Variants in ALPK2 observed in about 807,000 individuals in gnomAD.
ALPK2 encodes the protein alpha-protein kinase 2.
Under a neutral mutation model 163.1 loss-of-function variants are expected in ALPK2, and 127 were observed. The observed-to-expected ratio is 0.78, with a 90% confidence interval of 0.67 to 0.90. The LOEUF (loss-of-function observed/expected upper bound fraction) is 0.90, where lower values mean the gene tolerates loss of function less well. Among genes scored for constraint, ALPK2 ranks in the 40% least tolerant of loss-of-function variants. The probability of loss-of-function intolerance (pLI) is 0.00; values close to 1 mark genes in which losing one functional copy is unlikely to be tolerated. For missense variants in ALPK2, 2,360 were observed against 2,589.6 expected, an observed-to-expected ratio of 0.91 and a Z score of 1.92; for synonymous variants, 953 against 959.1, an observed-to-expected ratio of 0.99 and a Z score of 0.12.
At position 58,521,625 on chromosome 18, in the gene ALPK2, C is replaced by CTTTTTTTTTTTTTTTTT. The variant is rs1375364902; in HGVS notation, c.5665+2180_5665+2181insAAAAAAAAAAAAAAAAA. Among the ~76,000 whole-genome samples, 181 of 50,524 alleles carry CTTTTTTTTTTTTTTTTT rather than the reference C, an allele frequency of 3.6e-3. 9 individuals are homozygous for CTTTTTTTTTTTTTTTTT. The highest frequency in any genetic ancestry group is 5.7e-3 in the Non-Finnish European group (140 of 24,700). 33.1% of individuals were successfully genotyped at this position (50,524 alleles called of 152,430 possible). On this transcript the variant is annotated intron_variant, in intron 8 of 12. Coordinates refer to ENST00000361673, the MANE Select transcript of ALPK2 (RefSeq NM_052947.4). ...CATTTCTTTTTCTTTCTTTCTCTCT[C>CTTTTTTTTTTTTTTTTT]TCTTTTTTTTTTTTTTTTTTTGAGA... is the stretch of plus-strand genomic sequence containing the variant.
intron 3 of ALPK2, among the ~76,000 whole-genome samples, chr18:58,586,186 T>C (rs1440562703): frequency 6.6e-6 from 1 of 152,240 alleles, no homozygotes. Context: ...AAGCTTTTGA[T>C]GAAGGGCACA....
intron 11 of ALPK2, among the ~76,000 whole-genome samples, chr18:58,502,134 CCACACA>C (rs71173056): frequency 0.031 from 3,681 of 118,780 alleles, 66 homozygotes; most frequent in South Asian, 0.043. Flanking sequence ...AACCCCATCT[CCACACA>C]CACACACACA....
intron 11 of ALPK2, among the ~76,000 whole-genome samples, chr18:58,502,180 A>ACACAC (rs1568067735): frequency 6.5e-4 from 85 of 130,076 alleles, no homozygotes; most frequent in African/African-American, 2.1e-3. Context: ...ACACACACAC[A>ACACAC]AAGAAAAAAA....
intron 4 of ALPK2, chr18:58,538,440 A>T: frequency 2.0e-6 from 1 of 499,744 alleles, no homozygotes; most frequent in East Asian, 3.2e-5. Flanking sequence ...GCCCTTTGTC[A>T]AATTCATCAT....
intron 4 of ALPK2, chr18:58,538,670 A>C: frequency 6.2e-6 from 1 of 162,064 alleles, no homozygotes; most frequent in Non-Finnish European, 1.3e-5. Flanking sequence ...CCAAAATATA[A>C]CAGCTTGCTG....
intron 1 of ALPK2, among the ~76,000 whole-genome samples, chr18:58,627,010 AC>A (rs2052234223): frequency 6.6e-6 from 1 of 152,184 alleles, no homozygotes; most frequent in African/African-American, 2.4e-5. Context: ...TAAAGTGAAT[AC>A]TGTTAAGATT....
chr18:58,520,014 C>G (rs73445135), intron 8 of ALPK2, among the ~76,000 whole-genome samples: 2,073 of 152,286 alleles, frequency 0.014, 41 homozygotes, highest in African/African-American at 0.048. Flanking sequence ...GAGTGTAGCA[C>G]TGCAAGTCTC....
intron 3 of ALPK2, among the ~76,000 whole-genome samples, chr18:58,603,387 C>T (rs1466730114): frequency 6.6e-6 from 1 of 152,254 alleles, no homozygotes; most frequent in African/African-American, 2.4e-5. Context: ...GTGCCGTTCT[C>T]CTGGTCATTG....
intron 1 of ALPK2, among the ~76,000 whole-genome samples, chr18:58,623,193 T>C (rs1322347823): frequency 6.6e-6 from 1 of 152,136 alleles, no homozygotes; most frequent in Non-Finnish European, 1.5e-5. Flanking sequence ...CAGAGTGTCT[T>C]AGGGGAACAC....
At chr18:58,556,755 C>T (rs575528737) in intron 4 of ALPK2, among the ~76,000 whole-genome samples, 90 of 152,300 alleles carry the variant, frequency 5.9e-4, no homozygotes, top group African/African-American at 2.0e-3. Context: ...CCTGTATGAA[C>T]CTAGAGCCCC....
intron 4 of ALPK2, among the ~76,000 whole-genome samples, chr18:58,543,783 G>A: frequency 6.6e-6 from 1 of 152,192 alleles, no homozygotes; most frequent in Non-Finnish European, 1.5e-5. Context: ...GATGTTTGGG[G>A]ATGAGAAGTC....
intron 4 of ALPK2, chr18:58,543,458 A>G: frequency 2.1e-6 from 2 of 948,200 alleles, no homozygotes; most frequent in African/African-American, 1.8e-5. Context: ...GCTGGGGGCC[A>G]TGCGGGGCTC....
intron 3 of ALPK2, among the ~76,000 whole-genome samples, chr18:58,601,323 A>G (rs528025638): frequency 6.6e-6 from 1 of 152,196 alleles, no homozygotes; most frequent in African/African-American, 2.4e-5. Flanking sequence ...AAGGATAAAG[A>G]TACATGCAAA....
intron 4 of ALPK2, among the ~76,000 whole-genome samples, chr18:58,576,524 A>G (rs929082519): frequency 1.3e-5 from 2 of 152,208 alleles, no homozygotes; most frequent in African/African-American, 4.8e-5. Context: ...GGAGAGAGTC[A>G]CCTATCTTTT....
chr18:58,481,665 C>T lies in ALPK2; in HGVS notation c.*158G>A. 1.6e-6 allele frequency: 1 copy of T among 629,838 alleles called. No homozygotes were observed. The highest frequency in any genetic ancestry group is 2.9e-6 in the Non-Finnish European group (1 of 350,818). The allele number at this position is 629,838 out of a possible 1,614,324, so 39.0% of individuals were successfully genotyped here. On this transcript the variant is annotated 3_prime_UTR_variant, in exon 13 of 13. Transcript: ENST00000361673. ...TCTGAAATCATTTGAGTGAAGACAG[C>T]AGGTGATGGGTTTAGAAGCATCTTG... is the stretch of plus-strand genomic sequence containing the variant.
chr18:58,586,753 TA>T (rs56281908), intron 3 of ALPK2, among the ~76,000 whole-genome samples: 28,543 of 143,006 alleles, frequency 0.2, 2,954 homozygotes, highest in East Asian at 0.42. Context: ...GGGGCATTTG[TA>T]AAAAAAAAAA....
At chr18:58,492,623 C>A (rs2051381328) in intron 12 of ALPK2, among the ~76,000 whole-genome samples, 1 of 152,208 alleles carries the variant, frequency 6.6e-6, no homozygotes, top group Admixed American at 6.5e-5. Flanking sequence ...ATCTACCAGA[C>A]TTCTCTAGAC....
chr18:58,611,713 C>A lies in ALPK2; in HGVS notation c.85G>T (p.Ala29Ser). 6.2e-7 allele frequency: 1 copy of A among 1,612,978 alleles called. No individual in the cohort carries two copies. Among genetic ancestry groups the A allele is most frequent in the Non-Finnish European group, 8.5e-7 (1 of 1,179,546 alleles). The change falls in exon 2 of 13, where the codon GCT (alanine) becomes TCT (serine). Residue 29 changes from alanine (A) to serine (S), a missense_variant. By Grantham distance (99) the Ala-to-Ser change is moderately conservative (BLOSUM62 1). Coordinates refer to ENST00000361673, the MANE Select transcript of ALPK2 (RefSeq NM_052947.4). Reference sequence around the variant, plus strand: ...CCAGATATTATGCAGCGAAGCACAGCGTCTGACTTCTCAGGAACCTTCTGG... The same window carrying A: ...CCAGATATTATGCAGCGAAGCACAGAGTCTGACTTCTCAGGAACCTTCTGG... ...LSQKVPEKSD[A>S]VLRCIISGQP...
chr18:58,555,089 T>A (rs149141160), intron 4 of ALPK2, among the ~76,000 whole-genome samples: 5 of 152,120 alleles, frequency 3.3e-5, no homozygotes, highest in South Asian at 2.1e-4. Flanking sequence ...AGTATGAAAA[T>A]GGACTAATAC....
Sources: allele counts gnomAD v4.1 joint callset (sites outside exome capture counted in the v4.1 genomes callset), GRCh38; gene constraint gnomAD v4.1.1; transcripts MANE v1.5; gene names NCBI Gene and HGNC (gene_info 2026-07-23, HGNC 2026-07-21).